The following DACH1 variants were observed in gnomAD, a reference collection of about 807,000 sequenced individuals.
DACH1 encodes dachshund homolog 1.
Under a neutral mutation model 54.2 loss-of-function variants are expected in DACH1, and 12 were observed. The ratio of observed to expected loss-of-function variants is 0.22; its 90% CI spans 0.14 to 0.36. The LOEUF is 0.36. Ranked by LOEUF, DACH1 falls within the 10% of genes least tolerant of loss-of-function variation. DACH1 has a pLI of 1.00. For missense variants in DACH1, 805 were observed against 929.8 expected (o/e 0.87, Z 1.75); for synonymous variants, 386 against 366.2 (o/e 1.05, Z -0.62).
chr13:71,754,239 C>A (rs1885047536), intron 1 of DACH1, among the ~76,000 whole-genome samples: 1 of 152,146 alleles, frequency 6.6e-6, no homozygotes, highest in Non-Finnish European at 1.5e-5. Flanking sequence ...TCTGATCGTG[C>A]CCATTTCCCT....
At chr13:71,493,147 G>T (rs1160175510) in intron 6 of DACH1, among the ~76,000 whole-genome samples, 4 of 151,554 alleles carry the variant, frequency 2.6e-5, no homozygotes, top group Non-Finnish European at 1.5e-5. Flanking sequence ...CTAACAAAAA[G>T]AATACAACAA....
At chr13:71,579,161 C>A (rs1004025210) in intron 3 of DACH1, among the ~76,000 whole-genome samples, 1 of 152,000 alleles carries the variant, frequency 6.6e-6, no homozygotes, top group African/African-American at 2.4e-5. Flanking sequence ...CTTTTGAATG[C>A]AGAGCTGTTT....
chr13:71,752,669 G>A (rs1185969724), intron 1 of DACH1, among the ~76,000 whole-genome samples: 1 of 152,034 alleles, frequency 6.6e-6, no homozygotes, highest in Non-Finnish European at 1.5e-5. Flanking sequence ...GATTTTTTAA[G>A]AAAACATGAC....
chr13:71,721,841 T>A (rs1326562542), intron 1 of DACH1, among the ~76,000 whole-genome samples: 2 of 152,164 alleles, frequency 1.3e-5, no homozygotes, highest in African/African-American at 4.8e-5. Flanking sequence ...TTCTTAACAA[T>A]ATGTTAAAGC....
At chr13:71,734,084 G>A (rs1387944479) in intron 1 of DACH1, among the ~76,000 whole-genome samples, 1 of 150,908 alleles carries the variant, frequency 6.6e-6, no homozygotes, top group Admixed American at 6.6e-5. Context: ...AAACACACTT[G>A]AATATATATG....
chr13:71,470,537 C>A (rs1400372918), intron 10 of DACH1, among the ~76,000 whole-genome samples: 1 of 152,010 alleles, frequency 6.6e-6, no homozygotes. Flanking sequence ...CTATGTTGGC[C>A]AGGCTGGTCT....
At chr13:71,501,002 T>G (rs1230530782) in intron 6 of DACH1, among the ~76,000 whole-genome samples, 1 of 152,136 alleles carries the variant, frequency 6.6e-6, no homozygotes, top group Non-Finnish European at 1.5e-5. Context: ...AACAATAGCT[T>G]AACTCTCTCA....
At chr13:71,695,722 T>C (rs1462504450) in intron 1 of DACH1, among the ~76,000 whole-genome samples, 1 of 152,210 alleles carries the variant, frequency 6.6e-6, no homozygotes, top group Admixed American at 6.5e-5. Context: ...CTCCCAGCTA[T>C]ATTGCAAGTC....
intron 6 of DACH1, among the ~76,000 whole-genome samples, chr13:71,519,338 A>T (rs1881398631): frequency 6.6e-6 from 1 of 151,808 alleles, no homozygotes; most frequent in Non-Finnish European, 1.5e-5. Flanking sequence ...CAAACAAATC[A>T]CAAGTGAGTT....
chr13:71,684,440 T>A (rs1881059965), intron 1 of DACH1, among the ~76,000 whole-genome samples: 1 of 152,138 alleles, frequency 6.6e-6, no homozygotes, highest in African/African-American at 2.4e-5. Context: ...CTCAGTTTCT[T>A]AACAGTTTCC....
intron 10 of DACH1, among the ~76,000 whole-genome samples, chr13:71,463,525 A>G (rs898008526): frequency 1.3e-5 from 2 of 151,978 alleles, no homozygotes; most frequent in Non-Finnish European, 2.9e-5. Flanking sequence ...CTCATGACAT[A>G]AAAAGATTGC....
chr13:71,514,958 C>T (rs756633104), intron 6 of DACH1, among the ~76,000 whole-genome samples: 30 of 151,824 alleles, frequency 2.0e-4, no homozygotes, highest in Non-Finnish European at 1.0e-4. Flanking sequence ...TCTTCTTGGG[C>T]ATGTCTTTTA....
intron 1 of DACH1, among the ~76,000 whole-genome samples, chr13:71,838,368 C>G (rs1263844961): frequency 6.6e-6 from 1 of 152,120 alleles, no homozygotes; most frequent in Non-Finnish European, 1.5e-5. Context: ...ATGTAACTGT[C>G]ATAGCTTTGT....
chr13:71,823,277 A>T (rs73503518), intron 1 of DACH1, among the ~76,000 whole-genome samples: 2 of 152,118 alleles, frequency 1.3e-5, no homozygotes, highest in African/African-American at 4.8e-5. Context: ...TTATTCTATT[A>T]TTAAGACAAA....
chr13:71,686,643 C>G, intron 1 of DACH1, among the ~76,000 whole-genome samples: 1 of 152,144 alleles, frequency 6.6e-6, no homozygotes, highest in East Asian at 1.9e-4. Flanking sequence ...TTGTGGACAT[C>G]ATCTTTTGTT....
chr13:71,605,627 A>T (rs1216633387), intron 3 of DACH1, among the ~76,000 whole-genome samples: 4 of 152,154 alleles, frequency 2.6e-5, no homozygotes, highest in Admixed American at 2.6e-4. Context: ...GAATGTTTTC[A>T]ACAAAAACAT....
intron 2 of DACH1, among the ~76,000 whole-genome samples, chr13:71,662,390 A>G (rs1288697248): frequency 6.6e-6 from 1 of 152,044 alleles, no homozygotes; most frequent in African/African-American, 2.4e-5. Flanking sequence ...CAAGACTGTC[A>G]CCTTGTGATT....
chr13:71,475,288 A>T (rs2138172346), intron 9 of DACH1, 79 bp from the exon 10 acceptor site: 1 of 1,143,534 alleles, frequency 8.7e-7, no homozygotes, highest in South Asian at 1.3e-5. Context: ...GCAACCTGTT[A>T]CTTTGGTGCT....
At chr13:71,842,893 C>T (rs960601579) in intron 1 of DACH1, among the ~76,000 whole-genome samples, 29 of 152,094 alleles carry the variant, frequency 1.9e-4, no homozygotes, top group African/African-American at 6.0e-4. Flanking sequence ...CTTGTTAGAG[C>T]ACTGGCTAAC....
Sources: allele counts gnomAD v4.1 joint callset (sites outside exome capture counted in the v4.1 genomes callset), GRCh38; gene constraint gnomAD v4.1.1; transcripts MANE v1.5; gene names NCBI Gene and HGNC (gene_info 2026-07-23, HGNC 2026-07-21).